The following KIAA0586 variants were observed in gnomAD, a reference collection of about 807,000 sequenced individuals.
The protein encoded by KIAA0586 is protein TALPID3.
Under a neutral mutation model 169.8 loss-of-function variants are expected in KIAA0586, and 144 were observed. The observed-to-expected ratio is 0.85, with a 90% confidence interval of 0.74 to 0.97. KIAA0586 has a LOEUF of 0.97. Ranked by LOEUF, KIAA0586 falls within the 50% of genes least tolerant of loss-of-function variation. The pLI is 0.00. For missense variants in KIAA0586, 1,854 were observed against 1,823.0 expected, an observed-to-expected ratio of 1.02 and a Z score of -0.31; for synonymous variants, 625 against 612.4, an observed-to-expected ratio of 1.02 and a Z score of -0.30.
intron 24 of KIAA0586, among the ~76,000 whole-genome samples, chr14:58,489,200 A>C (rs2042671364): frequency 6.8e-6 from 1 of 146,992 alleles, no homozygotes; most frequent in South Asian, 2.2e-4. Context: ...GGATCTTACT[A>C]TGCATATTGT....
intron 29 of KIAA0586, among the ~76,000 whole-genome samples, chr14:58,531,358 TA>T (rs202238658): frequency 6.2e-5 from 9 of 145,810 alleles, no homozygotes; most frequent in Admixed American, 2.0e-4. Context: ...AAATAAAAAA[TA>T]AAAAAAAATT....
chr14:58,442,201 C>T (rs2038447442), intron 4 of KIAA0586, among the ~76,000 whole-genome samples: 2 of 152,206 alleles, frequency 1.3e-5, no homozygotes, highest in East Asian at 1.9e-4. Flanking sequence ...CCTTCGCCTC[C>T]TGGGTTCTAG....
At position 58,470,814 on chromosome 14, in the gene KIAA0586, A is replaced by G. The variant is rs987813365; in HGVS notation, c.2553+91A>G. ...CCATTTAAAGCCTTTTATCATAATG[A>G]TAACTTATAATAATTTAGATTTTGA... On this transcript the variant is annotated intron_variant, in intron 17 of 30. Coordinates refer to ENST00000652326, the MANE Select transcript of KIAA0586 (RefSeq NM_001329943.3). 11 of 624,050 alleles carry G rather than the reference A, an allele frequency of 1.8e-5. No homozygotes were observed. The African/African-American group carries it at 2.1e-4, about 12-fold the overall frequency. 38.7% of individuals were successfully genotyped at this position (624,050 alleles called of 1,614,324 possible).
chr14:58,543,802 T>G (rs1215130119), intron 30 of KIAA0586: 2 of 412,644 alleles, frequency 4.8e-6, no homozygotes, highest in African/African-American at 4.2e-5. Flanking sequence ...ACTATTTTTA[T>G]AGATCCGTCT....
At chr14:58,561,128 A>G in the KIAA0586 span, among the ~76,000 whole-genome samples, 1 of 152,212 alleles carries the variant, frequency 6.6e-6, no homozygotes, top group Non-Finnish European at 1.5e-5. Context: ...ATTTTTAGAA[A>G]GTACATCATT....
chr14:58,486,736 CT>C lies in KIAA0586; in HGVS notation c.3145-270del, dbSNP rs780963043. ...GCAGAGTAAACAGAACACTTATACA[CT>C]GTTGGTAGGAACGTAAATTACTTCT... is the stretch of plus-strand genomic sequence containing the variant. On this transcript the variant is annotated intron_variant, in intron 21 of 30. Coordinates refer to ENST00000652326, the MANE Select transcript of KIAA0586 (RefSeq NM_001329943.3). Among the ~76,000 whole-genome samples, 4 of 152,270 alleles carry C rather than the reference CT, an allele frequency of 2.6e-5. No homozygotes were observed. In the South Asian group the frequency reaches 6.2e-4, roughly 24 times the overall value.
intron 28 of KIAA0586, among the ~76,000 whole-genome samples, chr14:58,511,260 T>G (rs2044362248): frequency 6.6e-6 from 1 of 152,206 alleles, no homozygotes; most frequent in African/African-American, 2.4e-5. Context: ...TTGTTAGATT[T>G]CTTTAGCTAG....
rs143158234 is a variant in KIAA0586, at chr14:58,488,781, T to C, written c.3688T>C (p.Leu1230=). 362 of 1,613,886 alleles carry C rather than the reference T, an allele frequency of 2.2e-4. 1 individual carries two copies. The Middle Eastern group carries it at 2.8e-3, about 13-fold the overall frequency. The change falls in exon 24 of 31, where the codon TTG becomes CTG. Residue 1230 remains leucine (L), a synonymous_variant. Transcript: ENST00000652326. ...TGATTCATCAACACTGGAGAGCACATTGAGTGTTACTGTCACTGAAACTGA... is the reference window on the plus strand; with the variant it reads ...TGATTCATCAACACTGGAGAGCACACTGAGTGTTACTGTCACTGAAACTGA... ...GSDSSTLEST[L]SVTVTETETL... is the part of the protein sequence containing the mutation.
Position 58,488,655 on chromosome 14 carries a change from A to G in KIAA0586, c.3562A>G (p.Ser1188Gly), listed in dbSNP as rs781014789. 6.2e-7 allele frequency: 1 copy of G among 1,613,884 alleles called. No individual in the cohort carries two copies. ...MSVAKDEEPE[S>G]MDFPAQPPPP... ...TGTGGCTAAGGATGAAGAACCAGAG[A>G]GTATGGATTTCCCTGCTCAGCCTCC... The change falls in exon 24 of 31, where the codon AGT (serine) becomes GGT (glycine). Residue 1188 changes from serine (S) to glycine (G), a missense_variant. Ser to Gly is a moderately conservative substitution (Grantham distance 56, BLOSUM62 0). Transcript: ENST00000652326.
At chr14:58,525,296 T>C (rs563683435) in intron 29 of KIAA0586, among the ~76,000 whole-genome samples, 50 of 151,970 alleles carry the variant, frequency 3.3e-4, no homozygotes, top group African/African-American at 1.1e-3. Flanking sequence ...ACAATTCCAT[T>C]GTGCAGCTCC....
chr14:58,474,695 G>C lies in KIAA0586; in HGVS notation c.2723G>C (p.Gly908Ala), dbSNP rs753434086. The part of the protein sequence containing the change: ...SVKADSTKYN[G>A]PPFPPVASTF... ...AAAGCTGATTCTACAAAATATAATG[G>C]TCCTCCATTTCCGCCAGTTGCTTCT... Residue 908 changes from glycine to alanine, a missense_variant, in exon 19 of 31, where the codon GGT (glycine) becomes GCT (alanine). Coordinates refer to ENST00000652326, the MANE Select transcript of KIAA0586 (RefSeq NM_001329943.3). The C allele has an allele frequency of 6.2e-7, 1 of 1,613,276 alleles. No individual in the cohort carries two copies. The highest frequency in any genetic ancestry group is 2.2e-5 in the East Asian group (1 of 44,800).
At chr14:58,439,282 G>A (rs2038095726) in intron 4 of KIAA0586, among the ~76,000 whole-genome samples, 1 of 152,226 alleles carries the variant, frequency 6.6e-6, no homozygotes, top group East Asian at 1.9e-4. Context: ...CAACTCCTGG[G>A]TTCACGCCAT....
At position 58,450,542 on chromosome 14, in the gene KIAA0586, A is replaced by G. The variant is rs189687187; in HGVS notation, c.962-37A>G. 242 of 1,296,932 alleles carry G rather than the reference A, an allele frequency of 1.9e-4. 2 individuals are homozygous for G. In the East Asian group the frequency reaches 2.4e-3, roughly 13 times the overall value. The allele number at this position is 1,296,932 out of a possible 1,614,324, so 80.3% of individuals were successfully genotyped here. A position where few individuals can be genotyped will look rare whatever the true frequency, so the allele number is the denominator to read the frequency against. ...ATGCTATAATTTTTAAAGCTTTTTA[A>G]AAGCAAGTTAAGTTTTTAAAAAATT... On this transcript the variant is annotated intron_variant, in intron 7 of 30. Coordinates refer to ENST00000652326, the MANE Select transcript of KIAA0586 (RefSeq NM_001329943.3).
chr14:58,526,301 C>G (rs1368403947), intron 29 of KIAA0586, among the ~76,000 whole-genome samples: 1 of 152,202 alleles, frequency 6.6e-6, no homozygotes, highest in Non-Finnish European at 1.5e-5. Context: ...ACACCTCATA[C>G]AGGAGATCTA....
At chr14:58,528,031 AG>A (rs1459349063) in intron 29 of KIAA0586, among the ~76,000 whole-genome samples, 2 of 152,336 alleles carry the variant, frequency 1.3e-5, no homozygotes, top group East Asian at 3.9e-4. Context: ...GCAAATGGAA[AG>A]CAAAAAAAGC....
In KIAA0586 at chr14:58,477,120, C is replaced by G. The variant is rs1171479996; in HGVS notation, c.2826-3C>G. Reference sequence around the variant, plus strand: ...ACTTTTATCTGCCCCACCATCCTCTCAGGGTAGAGCAAGAAATAATGTCAA... The same window carrying G: ...ACTTTTATCTGCCCCACCATCCTCTGAGGGTAGAGCAAGAAATAATGTCAA... On this transcript the variant is annotated splice_polypyrimidine_tract_variant and splice_region_variant and intron_variant, in intron 19 of 30. Coordinates refer to ENST00000652326, the MANE Select transcript of KIAA0586 (RefSeq NM_001329943.3). 1 of 1,499,664 alleles carries G rather than the reference C, an allele frequency of 6.7e-7. No homozygotes were observed. The highest frequency in any genetic ancestry group is 2.4e-5 in the East Asian group (1 of 42,324). The allele number at this position is 1,499,664 out of a possible 1,614,324, so 92.9% of individuals were successfully genotyped here. A position where few individuals can be genotyped will look rare whatever the true frequency, so the allele number is the denominator to read the frequency against.
At chr14:58,522,137 A>C in intron 29 of KIAA0586, 1 of 567,940 alleles carries the variant, frequency 1.8e-6, no homozygotes, top group Admixed American at 2.9e-5. Flanking sequence ...CATGTTCATT[A>C]ATTCATAGTG....
At chr14:58,456,380 C>G (rs2039853271) in intron 9 of KIAA0586, among the ~76,000 whole-genome samples, 2 of 152,142 alleles carry the variant, frequency 1.3e-5, no homozygotes. Context: ...TATGGAGAAG[C>G]AGATTTTCAG....
At chr14:58,427,425 A>C, upstream of KIAA0586, 3 of 617,166 alleles carry the variant, frequency 4.9e-6, no homozygotes, top group Non-Finnish European at 8.3e-6. Context: ...TTCGGAAGCG[A>C]AGCAGTGTCA....
Sources: gnomAD v4.1 joint callset for allele counts (sites outside exome capture counted in the v4.1 genomes callset) on GRCh38, gnomAD v4.1.1 for gene constraint, MANE v1.5 for transcripts, NCBI Gene and HGNC (gene_info 2026-07-23, HGNC 2026-07-21) for gene names.